BMERB1: variants seen among roughly 807,000 people sequenced by gnomAD.
BMERB1 encodes the protein bMERB domain-containing protein 1.
Under a neutral mutation model 23.6 loss-of-function variants are expected in BMERB1, and 12 were observed. The ratio of observed to expected loss-of-function variants is 0.51; its 90% CI spans 0.33 to 0.82. The LOEUF is 0.82. BMERB1 is among the 40% of genes least tolerant of loss of function. The probability of loss-of-function intolerance (pLI) is 0.03; values close to 1 mark genes in which losing one functional copy is unlikely to be tolerated. For missense variants in BMERB1, 247 were observed against 255.4 expected (o/e 0.97, Z 0.22); for synonymous variants, 122 against 96.6 (o/e 1.26, Z -1.54).
intron 2 of BMERB1, among the ~76,000 whole-genome samples, chr16:15,525,047 C>G (rs1274457136): frequency 1.3e-5 from 2 of 152,116 alleles, no homozygotes; most frequent in Non-Finnish European, 2.9e-5. Flanking sequence ...GCCAAAGATT[C>G]TTCGATGTAT....
chr16:15,435,840 C>T (rs931573937), intron 1 of BMERB1, among the ~76,000 whole-genome samples: 2 of 152,198 alleles, frequency 1.3e-5, no homozygotes, highest in Admixed American at 6.5e-5. Flanking sequence ...CTGATTCTGA[C>T]GGGTTGAAGT....
rs3743523 is a variant in BMERB1, at chr16:15,434,746, G to C, written c.93G>C (p.Glu31Asp). 449 of 959,914 alleles carry C rather than the reference G, an allele frequency of 4.7e-4. 6 individuals are homozygous for C. In the East Asian group the frequency reaches 0.017, roughly 36 times the overall value. The allele number at this position is 959,914 out of a possible 1,614,324, so 59.5% of individuals were successfully genotyped here. A position where few individuals can be genotyped will look rare whatever the true frequency, so the allele number is the denominator to read the frequency against. ...GAVEETAWKT[E>D]RLGRNQLDII... ...TGGAGGAGACGGCTTGGAAAACGGA[G>C]AGACTGGGGAGAAGTGAGTACTGGG... is the stretch of plus-strand genomic sequence containing the variant. Residue 31 changes from glutamate to aspartate, a missense_variant, in exon 1 of 6, where the codon GAG (glutamate) becomes GAC (aspartate). By Grantham distance (45) the Glu-to-Asp change is conservative (BLOSUM62 2). Coordinates refer to ENST00000300006, the MANE Select transcript of BMERB1 (RefSeq NM_033201.3).
In BMERB1 at chr16:15,505,692, A is replaced by G. The variant is rs2051581063; in HGVS notation, c.107-9613A>G. ...GTCATGAGGTCAGGAGATCGAGACCATCCTGGCTAACATGGTGAAACCCGT... is the reference window on the plus strand; with the variant it reads ...GTCATGAGGTCAGGAGATCGAGACCGTCCTGGCTAACATGGTGAAACCCGT... On this transcript the variant is annotated intron_variant, in intron 1 of 5. Coordinates refer to ENST00000300006, the MANE Select transcript of BMERB1 (RefSeq NM_033201.3). 2.0e-5 allele frequency among the ~76,000 whole-genome samples: 3 copies of G among 152,010 alleles called. No individual in the cohort carries two copies. The South Asian group carries it at 6.2e-4, about 32-fold the overall frequency.
chr16:15,546,330 T>G (rs1246677027), intron 2 of BMERB1, among the ~76,000 whole-genome samples: 1 of 152,030 alleles, frequency 6.6e-6, no homozygotes, highest in Non-Finnish European at 1.5e-5. Context: ...CACATACACA[T>G]AAACCCCGTC....
chr16:15,452,144 TG>T (rs1015223598), intron 1 of BMERB1, among the ~76,000 whole-genome samples: 2 of 151,142 alleles, frequency 1.3e-5, no homozygotes, highest in African/African-American at 4.9e-5. Flanking sequence ...TATCCAGTCA[TG>T]GGGCGTGCAC....
At chr16:15,442,281 G>C (rs1422317239) in intron 1 of BMERB1, among the ~76,000 whole-genome samples, 1 of 151,642 alleles carries the variant, frequency 6.6e-6, no homozygotes, top group Non-Finnish European at 1.5e-5. Flanking sequence ...AGTGAGCTGA[G>C]GTCACACCAT....
chr16:15,493,418 C>T (rs1275759642), intron 1 of BMERB1, among the ~76,000 whole-genome samples: 6 of 152,098 alleles, frequency 3.9e-5, no homozygotes, highest in African/African-American at 7.2e-5. Flanking sequence ...AGAACATTGG[C>T]GGAAAAACAA....
chr16:15,527,117 A>C (rs2051916989), intron 2 of BMERB1, among the ~76,000 whole-genome samples: 1 of 152,056 alleles, frequency 6.6e-6, no homozygotes, highest in Non-Finnish European at 1.5e-5. Flanking sequence ...CATTTCTAAG[A>C]GTACAGTTCT....
chr16:15,551,280 GCCTT>G, intron 2 of BMERB1, among the ~76,000 whole-genome samples: 1 of 152,068 alleles, frequency 6.6e-6, no homozygotes, highest in Non-Finnish European at 1.5e-5. Context: ...ATGCCTGCCA[GCCTT>G]CCTTCCTTCC....
intron 2 of BMERB1, among the ~76,000 whole-genome samples, chr16:15,526,872 G>C (rs534003284): frequency 1.3e-5 from 2 of 148,770 alleles, no homozygotes; most frequent in Non-Finnish European, 3.0e-5. Context: ...GAAAATAACT[G>C]CTTTATTATT....
chr16:15,457,133 T>C (rs924767623), intron 1 of BMERB1, among the ~76,000 whole-genome samples: 1 of 152,172 alleles, frequency 6.6e-6, no homozygotes, highest in Non-Finnish European at 1.5e-5. Flanking sequence ...GCCTCCTCTA[T>C]ACAAATAATT....
At position 15,533,380 on chromosome 16, in the gene BMERB1, G is replaced by A. The variant is rs189680876; in HGVS notation, c.230+17952G>A. 6.6e-3 allele frequency among the ~76,000 whole-genome samples: 1,004 copies of A among 151,824 alleles called. 5 individuals carry two copies. Among genetic ancestry groups the A allele is most frequent in the Non-Finnish European group, 0.011 (718 of 67,964 alleles). On this transcript the variant is annotated intron_variant, in intron 2 of 5. Coordinates refer to ENST00000300006, the MANE Select transcript of BMERB1 (RefSeq NM_033201.3). The stretch of plus-strand genomic sequence containing the variant: ...ATCTGAAGGATATTACGTGGAAGAG[G>A]AAGTTCGTTTCTTTCTTTTTTTTTT...
chr16:15,529,025 G>A (rs1443000481), intron 2 of BMERB1, among the ~76,000 whole-genome samples: 1 of 151,998 alleles, frequency 6.6e-6, no homozygotes, highest in Non-Finnish European at 1.5e-5. Flanking sequence ...GTGTTTGTTT[G>A]TTTGTTTGTT....
chr16:15,567,849 C>T, intron 2 of BMERB1, 134 bp from the exon 3 acceptor site: 2 of 701,532 alleles, frequency 2.9e-6, no homozygotes, highest in Non-Finnish European at 4.7e-6. Flanking sequence ...TGAGGGAAAA[C>T]CTCTACAATG....
intron 2 of BMERB1, among the ~76,000 whole-genome samples, chr16:15,516,902 G>A (rs574925084): frequency 3.3e-5 from 5 of 152,274 alleles, no homozygotes; most frequent in Admixed American, 2.6e-4. Flanking sequence ...GTGGAATGCA[G>A]TGAGGCCGTC....
chr16:15,482,462 T>C (rs2051329959), intron 1 of BMERB1, among the ~76,000 whole-genome samples: 1 of 152,078 alleles, frequency 6.6e-6, no homozygotes, highest in Non-Finnish European at 1.5e-5. Flanking sequence ...GAATCCTGCA[T>C]TGATTTGTTG....
At chr16:15,552,313 C>G (rs1337713831) in intron 2 of BMERB1, among the ~76,000 whole-genome samples, 1 of 151,750 alleles carries the variant, frequency 6.6e-6, no homozygotes, top group African/African-American at 2.4e-5. Context: ...GGTGGTGTGC[C>G]CCTGTAATCC....
intron 1 of BMERB1, among the ~76,000 whole-genome samples, chr16:15,510,412 C>A (rs115220450): frequency 2.0e-5 from 3 of 152,162 alleles, no homozygotes; most frequent in African/African-American, 7.2e-5. Flanking sequence ...AACTTGCTGG[C>A]TTATGGCGAG....
intron 2 of BMERB1, among the ~76,000 whole-genome samples, chr16:15,541,599 A>ATTTTTT (rs962962059): frequency 1.1e-5 from 1 of 87,882 alleles, no homozygotes; most frequent in African/African-American, 4.3e-5. Context: ...CTAATTTTTA[A>ATTTTTT]TTTTTTTTTT....
Sources: allele counts gnomAD v4.1 joint callset (sites outside exome capture counted in the v4.1 genomes callset), GRCh38; gene constraint gnomAD v4.1.1; transcripts MANE v1.5; gene names NCBI Gene and HGNC (gene_info 2026-07-23, HGNC 2026-07-21).